The following PDE7A variants were observed in gnomAD, a reference collection of about 807,000 sequenced individuals.
PDE7A encodes phosphodiesterase 7A.
In PDE7A, 39 loss-of-function variants were observed where a neutral mutation model predicts 64.3. The ratio of observed to expected loss-of-function variants is 0.61; its 90% CI spans 0.47 to 0.79. The LOEUF (loss-of-function observed/expected upper bound fraction) is 0.79, where lower values mean the gene tolerates loss of function less well. Ranked by LOEUF, PDE7A falls within the 30% of genes least tolerant of loss-of-function variation. The pLI is 0.00. For missense variants in PDE7A, 470 were observed against 582.8 expected (o/e 0.81, Z 1.99); for synonymous variants, 203 against 206.8 (o/e 0.98, Z 0.16).
At chr8:65,734,944 C>A (rs1353841597) in intron 6 of PDE7A, 50 bp from the exon 7 acceptor site, 6 of 1,126,424 alleles carry the variant, frequency 5.3e-6, no homozygotes, top group South Asian at 2.5e-5. Flanking sequence ...GCAACATATA[C>A]AAGGACAAAA....
chr8:65,797,568 C>T (rs989513835), intron 1 of PDE7A, among the ~76,000 whole-genome samples: 7 of 152,150 alleles, frequency 4.6e-5, no homozygotes, highest in East Asian at 1.9e-4. Context: ...TTTAAGCCAC[C>T]GAGGTTTTGA....
chr8:65,764,561 A>G (rs1808673117), intron 3 of PDE7A, among the ~76,000 whole-genome samples: 1 of 152,242 alleles, frequency 6.6e-6, no homozygotes, highest in South Asian at 2.1e-4. Flanking sequence ...ATGCTGAGCA[A>G]ACTATTTGTA....
chr8:65,840,872 G>C (rs1487574430), intron 1 of PDE7A, among the ~76,000 whole-genome samples: 1 of 152,248 alleles, frequency 6.6e-6, no homozygotes, highest in Non-Finnish European at 1.5e-5. Flanking sequence ...CTACAGCAAC[G>C]GGGCATCTAG....
intron 3 of PDE7A, chr8:65,770,993 C>A (rs1461412875): frequency 2.9e-6 from 1 of 339,174 alleles, no homozygotes; most frequent in Non-Finnish European, 5.9e-6. Context: ...AGGCCTATGG[C>A]AAATCCTACT....
chr8:65,783,879 T>C (rs1468556386), intron 1 of PDE7A, among the ~76,000 whole-genome samples: 2 of 152,078 alleles, frequency 1.3e-5, no homozygotes, highest in African/African-American at 4.8e-5. Context: ...ATGAGGAAGA[T>C]AAAATTGATC....
chr8:65,815,127 C>T (rs1296148342), intron 1 of PDE7A, among the ~76,000 whole-genome samples: 1 of 151,538 alleles, frequency 6.6e-6, no homozygotes, highest in Non-Finnish European at 1.5e-5. Flanking sequence ...TACACATTTA[C>T]AATAATGTTG....
chr8:65,787,154 A>T (rs1190746928), intron 1 of PDE7A, among the ~76,000 whole-genome samples: 1 of 152,208 alleles, frequency 6.6e-6, no homozygotes, highest in Non-Finnish European at 1.5e-5. Context: ...TATTAGCAAA[A>T]GCAAGTGCCA....
chr8:65,792,958 T>G (rs1809740127), intron 1 of PDE7A, among the ~76,000 whole-genome samples: 1 of 152,148 alleles, frequency 6.6e-6, no homozygotes, highest in Admixed American at 6.5e-5. Context: ...TATCCGAATA[T>G]TTGATGAAAA....
In PDE7A at chr8:65,734,871, T is replaced by G. The variant is rs1807058092; in HGVS notation, c.619A>C (p.Ser207Arg). The change falls in exon 7 of 13, where the codon AGT (serine) becomes CGT (arginine). Residue 207 changes from serine to arginine, a missense_variant. Ser to Arg is a moderately radical substitution (Grantham distance 110). Coordinates refer to ENST00000401827, the MANE Select transcript of PDE7A (RefSeq NM_001242318.3). ...ACTGCGTTATGGTAAGGATTTTGAC[T>G]GTGGTAATCTTCTTGAATCATAACT... ...FLVMIQEDYH[S>R]QNPYHNAVHA... The G allele has an allele frequency of 1.9e-6, 3 of 1,610,096 alleles. No homozygotes were observed. The highest frequency in any genetic ancestry group is 2.7e-5 in the African/African-American group (2 of 74,854).
At chr8:65,768,837 T>C (rs1371158079) in intron 3 of PDE7A, among the ~76,000 whole-genome samples, 1 of 152,116 alleles carries the variant, frequency 6.6e-6, no homozygotes, top group African/African-American at 2.4e-5. Flanking sequence ...GAATAATAGA[T>C]AATAAAAGAT....
At chr8:65,730,183 T>C (rs1284939182) in intron 7 of PDE7A, among the ~76,000 whole-genome samples, 4 of 133,858 alleles carry the variant, frequency 3.0e-5, no homozygotes, top group Non-Finnish European at 6.4e-5. Context: ...TTTTTTTTTT[T>C]TTTTTTTTTT....
chr8:65,836,700 CT>C (rs1453527805), intron 1 of PDE7A, among the ~76,000 whole-genome samples: 8 of 152,304 alleles, frequency 5.3e-5, no homozygotes, highest in Non-Finnish European at 1.0e-4. Flanking sequence ...TACCTCTGCT[CT>C]GCCAATTGAA....
In PDE7A at chr8:65,730,369, AG is replaced by A. The variant is rs1414198269; in HGVS notation, c.697-3069del. Among the ~76,000 whole-genome samples the A allele has an allele frequency of 3.3e-5, 5 of 150,182 alleles. No homozygotes were observed. The East Asian group carries it at 1.0e-3, about 30-fold the overall frequency. On this transcript the variant is annotated intron_variant, in intron 7 of 12. Transcript: ENST00000401827. ...CTAATTTTGTATTTTTAGTAGAGAC[AG>A]GGTTTCTCCATGTTGGTCAGGCTGG...
intron 1 of PDE7A, among the ~76,000 whole-genome samples, chr8:65,806,406 G>C (rs1810113216): frequency 1.3e-5 from 2 of 152,148 alleles, no homozygotes; most frequent in South Asian, 4.1e-4. Flanking sequence ...TATTTTTGAG[G>C]TGATAAAAAA....
intron 3 of PDE7A, among the ~76,000 whole-genome samples, chr8:65,766,601 A>G (rs1294967513): frequency 6.6e-6 from 1 of 152,232 alleles, no homozygotes; most frequent in Non-Finnish European, 1.5e-5. Context: ...TGGTCAGCCC[A>G]GCATTGACGT....
chr8:65,769,247 CAAAAAAAAAAAA>C (rs61554087), intron 3 of PDE7A, among the ~76,000 whole-genome samples: 2 of 74,456 alleles, frequency 2.7e-5, no homozygotes, highest in Non-Finnish European at 5.2e-5. Flanking sequence ...GACTCAGTCT[CAAAAAAAAAAAA>C]AAAAAAAAAA....
intron 1 of PDE7A, among the ~76,000 whole-genome samples, chr8:65,826,447 T>C (rs747057588): frequency 1.3e-5 from 2 of 152,190 alleles, no homozygotes; most frequent in Non-Finnish European, 2.9e-5. Flanking sequence ...TCTCACTTCG[T>C]AAAACATCCC....
intron 1 of PDE7A, among the ~76,000 whole-genome samples, chr8:65,826,626 A>G (rs559092250): frequency 2.6e-5 from 4 of 152,378 alleles, no homozygotes; most frequent in African/African-American, 9.6e-5. Flanking sequence ...AATACCTAGC[A>G]GAGTGCCTGG....
intron 1 of PDE7A, chr8:65,838,612 A>T (rs900870118): frequency 6.6e-6 from 1 of 152,226 alleles, no homozygotes; most frequent in African/African-American, 2.4e-5. Context: ...AAACAGTACG[A>T]ATCTTTCAAC....
Sources: allele counts gnomAD v4.1 joint callset (sites outside exome capture counted in the v4.1 genomes callset), GRCh38; gene constraint gnomAD v4.1.1; transcripts MANE v1.5; gene names NCBI Gene and HGNC (gene_info 2026-07-23, HGNC 2026-07-21).